PLCH2: variants seen among roughly 807,000 people sequenced by gnomAD.
PLCH2 encodes the protein 1-phosphatidylinositol 4,5-bisphosphate phosphodiesterase eta-2.
Under a neutral mutation model 134.7 loss-of-function variants are expected in PLCH2, and 98 were observed. The ratio of observed to expected loss-of-function variants is 0.73; its 90% CI spans 0.62 to 0.86. The LOEUF (loss-of-function observed/expected upper bound fraction) is 0.86, where lower values mean the gene tolerates loss of function less well. Ranked by LOEUF, PLCH2 falls within the 40% of genes least tolerant of loss-of-function variation. PLCH2 has a pLI of 0.00. For synonymous variants in PLCH2, 974 were observed against 827.5 expected (o/e 1.18, Z -3.04); for missense variants, 1,994 against 1,986.6 (o/e 1.00, Z -0.07).
At chr1:2,467,173 G>A (rs1017185766), upstream of PLCH2, among the ~76,000 whole-genome samples, 2 of 150,538 alleles carry the variant, frequency 1.3e-5, no homozygotes, top group African/African-American at 4.9e-5. Flanking sequence ...AGTAGGAGGA[G>A]CCCTGCCGGG....
intron 2 of PLCH2, among the ~76,000 whole-genome samples, chr1:2,450,837 A>T (rs1355791680): frequency 2.0e-5 from 3 of 146,556 alleles, no homozygotes; most frequent in Non-Finnish European, 4.5e-5. Flanking sequence ...TCAAATCCCC[A>T]CCTGTCCGCC....
intron 1 of PLCH2, among the ~76,000 whole-genome samples, chr1:2,469,683 C>A (rs985490918): frequency 6.6e-6 from 1 of 152,194 alleles, no homozygotes; most frequent in Non-Finnish European, 1.5e-5. Context: ...AGTAATCCAA[C>A]GTGCCTGTTT....
intron 11 of PLCH2, 26 bp downstream of exon 11, chr1:2,491,361 T>C: frequency 6.2e-7 from 1 of 1,605,056 alleles, no homozygotes; most frequent in African/African-American, 1.3e-5. Flanking sequence ...GTGACACCCC[T>C]GATGCCGACA....
chr1:2,489,460 G>A (rs1448675530), intron 9 of PLCH2, 82 bp downstream of exon 9: 17 of 1,444,902 alleles, frequency 1.2e-5, no homozygotes, highest in Middle Eastern at 1.9e-4. Flanking sequence ...ACAGGCAGGG[G>A]CATCATGCCA....
chr1:2,417,003 AG>A, the PLCH2 span, among the ~76,000 whole-genome samples: 1 of 152,012 alleles, frequency 6.6e-6, no homozygotes, highest in Non-Finnish European at 1.5e-5. Context: ...AGAAATGGGG[AG>A]GGGTCTGTGG....
chr1:2,466,656 G>A (rs929052654), upstream of PLCH2, among the ~76,000 whole-genome samples: 2 of 152,236 alleles, frequency 1.3e-5, no homozygotes, highest in Admixed American at 6.5e-5. Flanking sequence ...CTCTGGGATG[G>A]GGGCTCAAGG....
rs777014125 is a variant in PLCH2 at position 2,498,845 on chromosome 1, G to A, written c.2434+17G>A. 4 of 1,587,120 alleles carry A rather than the reference G, an allele frequency of 2.5e-6. No homozygotes were observed. Among genetic ancestry groups the A allele is most frequent in the Admixed American group, 1.7e-5 (1 of 59,006 alleles). On this transcript the variant is annotated intron_variant, in intron 18 of 21. Coordinates refer to ENST00000378486, the MANE Select transcript of PLCH2 (RefSeq NM_014638.4). This position sits in a 1 kb window ranked among gnomAD's most constrained non-coding sequence, Gnocchi z 5.4. Reference sequence around the variant, plus strand: ...ACGACAACGGTGAGGCTGGGCCGTGGCTCCGTCACACCTGTGATGGAAGTC... The same window carrying A: ...ACGACAACGGTGAGGCTGGGCCGTGACTCCGTCACACCTGTGATGGAAGTC...
At position 2,480,197 on chromosome 1, in the gene PLCH2, C is replaced by T. The variant is rs186399284; in HGVS notation, c.530C>T (p.Thr177Met). The change falls in exon 4 of 22, where the codon ACG (threonine) becomes ATG (methionine). Residue 177 changes from threonine to methionine, a missense_variant. By Grantham distance (81) the Thr-to-Met change is moderately conservative (BLOSUM62 -1). This residue lies in a region of PLCH2 where 1,094 missense variants were observed against 1,234.3 expected (regional missense o/e 0.89). Coordinates refer to ENST00000378486, the MANE Select transcript of PLCH2 (RefSeq NM_014638.4). ...TCGGCACCAAAGTGGCTGAAGCAGA[C>T]GTTTGACGAGGCCGACAAGAACGGG... ...QRTRDQWLKQTFDEADKNGDG... is the reference protein window; with the variant it reads ...QRTRDQWLKQMFDEADKNGDG... The T allele has an allele frequency of 1.8e-4, 285 of 1,612,800 alleles. 2 individuals are homozygous for T. In the African/African-American group the frequency reaches 2.9e-3, roughly 16 times the overall value.
intron 10 of PLCH2, among the ~76,000 whole-genome samples, chr1:2,490,681 G>A (rs551586765): frequency 2.6e-5 from 4 of 152,256 alleles, no homozygotes; most frequent in Admixed American, 2.6e-4. Context: ...TGTGGCCCAC[G>A]TGATGGCAAA....
Position 2,436,526 on chromosome 1 carries a change from T to C in PLCH2, c.115+5897T>C, listed in dbSNP as rs962674275. ...TCCTTTCCTCCTTCCTCCCTCCTCC[T>C]TTCCTCCTTCCTCCCTCCTCCCTTC... On this transcript the variant is annotated intron_variant, in intron 2 of 3. Coordinates refer to the PLCH2 transcript ENST00000609981. Among the ~76,000 whole-genome samples the C allele has an allele frequency of 6.6e-3, 151 of 22,934 alleles. 3 individuals are homozygous for C. Among genetic ancestry groups the C allele is most frequent in the East Asian group, 0.059 (11 of 186 alleles). The allele number at this position is 22,934 out of a possible 152,430, so 15.0% of individuals were successfully genotyped here.
At chr1:2,477,900 C>A (rs1432699710) in intron 1 of PLCH2, among the ~76,000 whole-genome samples, 1 of 152,192 alleles carries the variant, frequency 6.6e-6, no homozygotes, top group Non-Finnish European at 1.5e-5. Flanking sequence ...GGAATTCGAC[C>A]GCTCCCAGGA....
intron 11 of PLCH2, 39 bp downstream of exon 11, chr1:2,491,374 C>T (rs1001069676): frequency 6.3e-7 from 1 of 1,588,610 alleles, no homozygotes; most frequent in South Asian, 1.1e-5. Flanking sequence ...TGCCGACAGG[C>T]CCCCCCGACA....
chr1:2,448,264 G>A lies in PLCH2; in HGVS notation c.115+17635G>A, dbSNP rs1018360050. On this transcript the variant is annotated intron_variant, in intron 2 of 3. Coordinates refer to the PLCH2 transcript ENST00000609981. This position sits in a 1 kb window ranked among gnomAD's most constrained non-coding sequence, Gnocchi z 4.0. ...AAAAACGCCGCACGCTTATTCTCTC[G>A]CAGTCCTGGAGGCTGGAAGTCTGAG... Among the ~76,000 whole-genome samples the A allele has an allele frequency of 7.2e-5, 11 of 152,132 alleles. No individual in the cohort carries two copies. Among genetic ancestry groups the A allele is most frequent in the Non-Finnish European group, 1.6e-4 (11 of 68,026 alleles).
In PLCH2 at chr1:2,499,141, C is replaced by A; in HGVS notation, c.2492C>A (p.Ala831Glu). The A allele has an allele frequency of 1.2e-6, 2 of 1,612,988 alleles. No homozygotes were observed. The highest frequency in any genetic ancestry group is 1.7e-6 in the Non-Finnish European group (2 of 1,179,738). Residue 831 changes from alanine to glutamate, a missense_variant, in exon 19 of 22, where the codon GCG becomes GAG. Around this residue, in one of 2 missense-constraint regions of PLCH2, gnomAD observed 1,094 missense variants for 1,234.3 expected, o/e 0.89. Coordinates refer to ENST00000378486, the MANE Select transcript of PLCH2 (RefSeq NM_014638.4). ...LVFMVHMPEI[A>E]LVRFLVWDHD... ...TTCATGGTGCACATGCCGGAGATCG[C>A]GCTGGTCCGCTTCCTCGTCTGGGAC...
upstream of PLCH2, among the ~76,000 whole-genome samples, chr1:2,466,642 C>T (rs553156464): frequency 2.6e-5 from 4 of 152,242 alleles, no homozygotes; most frequent in Admixed American, 2.0e-4. Flanking sequence ...CCTCCCAGGC[C>T]GCACTCTGGG....
chr1:2,420,423 A>T, the PLCH2 span, among the ~76,000 whole-genome samples: 32 of 152,270 alleles, frequency 2.1e-4, 1 homozygote, highest in Admixed American at 9.2e-4. Flanking sequence ...GAGAAGGTCC[A>T]GGCAGGGGCG....
upstream of PLCH2, among the ~76,000 whole-genome samples, chr1:2,424,471 T>G (rs1414231931): frequency 6.6e-6 from 1 of 152,214 alleles, no homozygotes; most frequent in Non-Finnish European, 1.5e-5. Context: ...GATGTGGTAT[T>G]TGTCTCCTGT....
Position 2,448,045 on chromosome 1 carries a change from G to C in PLCH2, c.115+17416G>C, listed in dbSNP as rs1640021626. Among the ~76,000 whole-genome samples, 1 of 152,162 alleles carries C rather than the reference G, an allele frequency of 6.6e-6. No individual in the cohort carries two copies. The highest frequency in any genetic ancestry group is 2.4e-5 in the African/African-American group (1 of 41,440). ...AGGGCATGGTGCCCCTGGCTGCTGT[G>C]GTCCTTTTTCCCTGGTCGTGGCCTC... is the stretch of plus-strand genomic sequence containing the variant. On this transcript the variant is annotated intron_variant, in intron 2 of 3. Transcript: ENST00000609981. The surrounding 1 kb of genome is among the most constrained non-coding windows in gnomAD (Gnocchi z 4.0).
intron 1 of PLCH2, chr1:2,430,330 C>G (rs530924015): frequency 1.2e-4 from 18 of 152,710 alleles, no homozygotes; most frequent in African/African-American, 4.1e-4. Flanking sequence ...CCTTCTTGCT[C>G]TCTCTAGGTG....
Sources: allele counts gnomAD v4.1 joint callset (sites outside exome capture counted in the v4.1 genomes callset), GRCh38; gene constraint gnomAD v4.1.1; regional missense constraint gnomAD v4.1.1; non-coding constraint Gnocchi (gnomAD v3.1); transcripts MANE v1.5; gene names NCBI Gene and HGNC (gene_info 2026-07-23, HGNC 2026-07-21).